Variants in ZER1 observed in about 807,000 individuals in gnomAD.
ZER1 encodes protein zer-1 homolog.
ZER1 carries 11 observed loss-of-function variants against 78.8 expected under a neutral mutation model. The ratio of observed to expected loss-of-function variants is 0.14; its 90% CI spans 0.09 to 0.23. The LOEUF (loss-of-function observed/expected upper bound fraction) is 0.23, where lower values mean the gene tolerates loss of function less well. Ranked by LOEUF, ZER1 falls within the 10% of genes least tolerant of loss-of-function variation. ZER1 has a pLI of 1.00. For synonymous variants in ZER1, 400 were observed against 407.0 expected (o/e 0.98, Z 0.21); for missense variants, 588 against 996.9 (o/e 0.59, Z 5.52).
chr9:128,739,491 G>A (rs1375041436), intron 13 of ZER1, among the ~76,000 whole-genome samples: 62 of 145,774 alleles, frequency 4.3e-4, no homozygotes, highest in Non-Finnish European at 1.9e-4. Context: ...GACAGAGCAA[G>A]ACTCTGTCTC....
At chr9:128,737,911 C>T (rs927151290) in intron 13 of ZER1, among the ~76,000 whole-genome samples, 1 of 152,076 alleles carries the variant, frequency 6.6e-6, no homozygotes, top group African/African-American at 2.4e-5. Context: ...CTGTGTTGGC[C>T]AGGCTGGTTT....
rs1030781485 is a variant in ZER1 at position 128,753,036 on chromosome 9, G to C, written c.746+128C>G. On this transcript the variant is annotated intron_variant, in intron 4 of 15. Coordinates refer to ENST00000291900, the MANE Select transcript of ZER1 (RefSeq NM_006336.4). This position sits in a 1 kb window ranked among gnomAD's most constrained non-coding sequence, Gnocchi z 7.5. ...AACACTGGGTTTAAGGAATGGGACTGTGTCTTCATCCCCACCCTCTGCCTA... is the reference window on the plus strand; with the variant it reads ...AACACTGGGTTTAAGGAATGGGACTCTGTCTTCATCCCCACCCTCTGCCTA... 1 of 1,199,484 alleles carries C rather than the reference G, an allele frequency of 8.3e-7. No homozygotes were observed. The highest frequency in any genetic ancestry group is 1.1e-6 in the Non-Finnish European group (1 of 883,678). 74.3% of individuals were successfully genotyped at this position (1,199,484 alleles called of 1,614,324 possible).
chr9:128,729,853 G>A lies in ZER1; in HGVS notation c.*1484C>T, dbSNP rs905257957. ...GTACAGACATTTCCCCAGGCCCCAG[G>A]GGGTAAAGCAATGAGGTGTGAAGTC... is the stretch of plus-strand genomic sequence containing the variant. On this transcript the variant is annotated 3_prime_UTR_variant, in exon 16 of 16. Coordinates refer to ENST00000291900, the MANE Select transcript of ZER1 (RefSeq NM_006336.4). 1 of 152,114 alleles carries A rather than the reference G, an allele frequency of 6.6e-6. No homozygotes were observed. The highest frequency in any genetic ancestry group is 1.5e-5 in the Non-Finnish European group (1 of 67,916). 9.4% of individuals were successfully genotyped at this position (152,114 alleles called of 1,614,324 possible).
chr9:128,739,441 G>A (rs560594753), intron 13 of ZER1, among the ~76,000 whole-genome samples: 54 of 151,204 alleles, frequency 3.6e-4, no homozygotes, highest in Middle Eastern at 3.4e-3. Context: ...GGCAGAGCTT[G>A]CAGTCAGCTG....
intron 8 of ZER1, among the ~76,000 whole-genome samples, chr9:128,747,931 A>C (rs1863549416): frequency 6.6e-6 from 1 of 152,160 alleles, no homozygotes; most frequent in East Asian, 1.9e-4. Flanking sequence ...AGCATTAGAT[A>C]TCTTTTGTAA....
At chr9:128,772,265 G>A (rs1298523198), upstream of ZER1, 1 of 152,458 alleles carries the variant, frequency 6.6e-6, no homozygotes. Flanking sequence ...CCAGCGCCCT[G>A]TTGAACATGT....
At chr9:128,738,819 C>T (rs529604863) in intron 13 of ZER1, among the ~76,000 whole-genome samples, 1 of 147,676 alleles carries the variant, frequency 6.8e-6, no homozygotes, top group East Asian at 2.0e-4. Flanking sequence ...GTAGGTGGGA[C>T]TACAGGTGTG....
chr9:128,740,674 C>T lies in ZER1; in HGVS notation c.1853+98G>A. On this transcript the variant is annotated intron_variant, in intron 12 of 15. Coordinates refer to ENST00000291900, the MANE Select transcript of ZER1 (RefSeq NM_006336.4). The surrounding 1 kb of genome is among the most constrained non-coding windows in gnomAD (Gnocchi z 4.4). Reference sequence around the variant, plus strand: ...TATCGAGGGAAAATGACATTTATAGCAAACCTAGGCTAAGAGCAGTTGTGC... The same window carrying T: ...TATCGAGGGAAAATGACATTTATAGTAAACCTAGGCTAAGAGCAGTTGTGC... 1.5e-6 allele frequency: 1 copy of T among 653,782 alleles called. No homozygotes were observed. Among genetic ancestry groups the T allele is most frequent in the Non-Finnish European group, 2.8e-6 (1 of 354,854 alleles). 40.5% of individuals were successfully genotyped at this position (653,782 alleles called of 1,614,324 possible). A position where few individuals can be genotyped will look rare whatever the true frequency, so the allele number is the denominator to read the frequency against.
chr9:128,735,476 G>A (rs1236350211), intron 13 of ZER1, 45 bp from the exon 14 acceptor site: 2 of 1,570,324 alleles, frequency 1.3e-6, no homozygotes, highest in Non-Finnish European at 8.7e-7. Context: ...TGAGGGTGGG[G>A]AGTGTGTCTT....
At chr9:128,735,760 G>GTTTTTTTTTT in intron 13 of ZER1, among the ~76,000 whole-genome samples, 193 of 16,194 alleles carry the variant, frequency 0.012, 92 homozygotes, top group African/African-American at 0.03. Context: ...CGTGTGACCT[G>GTTTTTTTTTT]GTTTTTTTTT....
intron 8 of ZER1, among the ~76,000 whole-genome samples, chr9:128,743,184 C>T (rs1337675204): frequency 6.6e-6 from 1 of 151,360 alleles, no homozygotes; most frequent in Non-Finnish European, 1.5e-5. Flanking sequence ...GTGGACCTAT[C>T]TCGGCTCACT....
intron 1 of ZER1, among the ~76,000 whole-genome samples, chr9:128,760,306 G>A (rs1157662821): frequency 2.6e-5 from 4 of 152,020 alleles, no homozygotes; most frequent in African/African-American, 7.2e-5. Context: ...AGGTTCAAGC[G>A]ATTCTCCTGC....
intron 1 of ZER1, among the ~76,000 whole-genome samples, chr9:128,760,170 G>T (rs1366234288): frequency 6.6e-6 from 1 of 152,194 alleles, no homozygotes; most frequent in African/African-American, 2.4e-5. Context: ...GTGAGCCACT[G>T]TGCCTGGTCT....
At chr9:128,745,365 T>A (rs549095260) in intron 8 of ZER1, among the ~76,000 whole-genome samples, 50 of 150,430 alleles carry the variant, frequency 3.3e-4, no homozygotes, top group Middle Eastern at 3.4e-3. Context: ...TAAAAAAAAA[T>A]TTTTTTTTTG....
intron 1 of ZER1, among the ~76,000 whole-genome samples, chr9:128,757,452 G>A (rs1034864748): frequency 2.0e-5 from 3 of 151,962 alleles, no homozygotes; most frequent in African/African-American, 7.3e-5. Context: ...AGCCCAAGAG[G>A]TTGAGGCTGC....
At chr9:128,744,992 G>A (rs1002509604) in intron 8 of ZER1, among the ~76,000 whole-genome samples, 3 of 152,026 alleles carry the variant, frequency 2.0e-5, no homozygotes, top group Non-Finnish European at 4.4e-5. Flanking sequence ...CCATAAGCAT[G>A]GGTTTCTTTA....
intron 1 of ZER1, among the ~76,000 whole-genome samples, chr9:128,769,615 T>C (rs1357925576): frequency 6.6e-6 from 1 of 152,074 alleles, no homozygotes; most frequent in Admixed American, 6.6e-5. Flanking sequence ...GGTTTCACCA[T>C]GTTGGCCAGG....
intron 4 of ZER1, 23 bp from the exon 5 acceptor site, chr9:128,752,872 C>A: frequency 6.2e-7 from 1 of 1,607,104 alleles, no homozygotes; most frequent in Non-Finnish European, 8.5e-7. Context: ...GTAGGGGGTG[C>A]AGGTTAGGAG....
Position 128,751,083 on chromosome 9 carries a change from G to A in ZER1, c.1185+39C>T. 1 of 1,553,302 alleles carries A rather than the reference G, an allele frequency of 6.4e-7. No individual in the cohort carries two copies. The highest frequency in any genetic ancestry group is 8.7e-7 in the Non-Finnish European group (1 of 1,145,244). On this transcript the variant is annotated intron_variant, in intron 7 of 15. Coordinates refer to ENST00000291900, the MANE Select transcript of ZER1 (RefSeq NM_006336.4). The surrounding 1 kb of genome is among the most constrained non-coding windows in gnomAD (Gnocchi z 5.4). ...GCCAAGCCCGGCAACCTCCAGGTGG[G>A]GAGGGACAGGAGGCCAAGGCCCCAG...
Sources: allele counts gnomAD v4.1 joint callset (sites outside exome capture counted in the v4.1 genomes callset), GRCh38; gene constraint gnomAD v4.1.1; non-coding constraint Gnocchi (gnomAD v3.1); transcripts MANE v1.5; gene names NCBI Gene and HGNC (gene_info 2026-07-23, HGNC 2026-07-21).